Variants in CRACD observed in about 807,000 individuals in gnomAD.
CRACD encodes the protein capping protein-inhibiting regulator of actin dynamics.
In CRACD, 56 loss-of-function variants were observed where a neutral mutation model predicts 106.8. The ratio of observed to expected loss-of-function variants is 0.52; its 90% CI spans 0.42 to 0.66. The LOEUF is 0.66. CRACD is among the 30% of genes least tolerant of loss of function. The pLI is 0.00. For missense variants in CRACD, 1,730 were observed against 1,623.2 expected, an observed-to-expected ratio of 1.07 and a Z score of -1.13; for synonymous variants, 754 against 670.8, an observed-to-expected ratio of 1.12 and a Z score of -1.92.
chr4:56,284,292 TAAAAA>T lies in CRACD; in HGVS notation c.-17+11822_-17+11826del, dbSNP rs59270238. On this transcript the variant is annotated intron_variant, in intron 3 of 10. Transcript: ENST00000682029. The stretch of plus-strand genomic sequence containing the variant: ...AACATAGTAAGAACCCATCCTAAAG[TAAAAA>T]AAAAAAAAAAAAAAAAAAAAATTGC... Among the ~76,000 whole-genome samples the T allele has an allele frequency of 6.4e-4, 29 of 45,474 alleles. No individual in the cohort carries two copies. The East Asian group carries it at 8.4e-3, about 13-fold the overall frequency. The allele number at this position is 45,474 out of a possible 152,430, so 29.8% of individuals were successfully genotyped here. A position where few individuals can be genotyped will look rare whatever the true frequency, so the allele number is the denominator to read the frequency against.
intron 1 of CRACD, among the ~76,000 whole-genome samples, chr4:56,064,270 A>G (rs1205098305): frequency 1.3e-5 from 2 of 151,562 alleles, no homozygotes; most frequent in Non-Finnish European, 1.5e-5. Flanking sequence ...TGATTTGCAA[A>G]TTTCTTCCAT....
At chr4:56,212,315 C>G (rs1485962901) in intron 2 of CRACD, among the ~76,000 whole-genome samples, 1 of 152,180 alleles carries the variant, frequency 6.6e-6, no homozygotes, top group African/African-American at 2.4e-5. Flanking sequence ...ATTTCCCACC[C>G]CTTTCCTGGA....
In CRACD at chr4:56,314,358, G is replaced by T; in HGVS notation, c.856G>T (p.Ala286Ser). Reference sequence around the variant, plus strand: ...GGAGCCGCCTCTAGAGGCGGAAAGGGCGCCGCGGGAAGAGCAGCAGCGGAG... The same window carrying T: ...GGAGCCGCCTCTAGAGGCGGAAAGGTCGCCGCGGGAAGAGCAGCAGCGGAG... ...GQEPPLEAER[A>S]PREEQQRSLE... Residue 286 changes from alanine to serine, a missense_variant, in exon 8 of 11, where the codon GCG (alanine) becomes TCG (serine). By Grantham distance (99) the Ala-to-Ser change is moderately conservative. This residue lies in a region of CRACD where 1,620 missense variants were observed against 1,481.6 expected (regional missense o/e 1.09). Transcript: ENST00000682029. This position sits in a 1 kb window ranked among gnomAD's most constrained non-coding sequence, Gnocchi z 4.4. The T allele has an allele frequency of 1.9e-6, 3 of 1,548,790 alleles. No homozygotes were observed. Among genetic ancestry groups the T allele is most frequent in the African/African-American group, 1.4e-5 (1 of 72,856 alleles).
intron 2 of CRACD, among the ~76,000 whole-genome samples, chr4:56,212,667 G>C (rs1015971407): frequency 6.6e-6 from 1 of 152,052 alleles, no homozygotes; most frequent in Non-Finnish European, 1.5e-5. Context: ...AGATCCCCTT[G>C]ATCAACTTAG....
At position 56,315,018 on chromosome 4, in the gene CRACD, G is replaced by C; in HGVS notation, c.1516G>C (p.Glu506Gln). The C allele has an allele frequency of 6.3e-7, 1 of 1,592,648 alleles. No individual in the cohort carries two copies. The highest frequency in any genetic ancestry group is 8.5e-7 in the Non-Finnish European group (1 of 1,170,888). ...GGTGGAAGCCGCGCAGCCTCCGGTGGAGAGGAAAGAAGCCGCCGCCCTTGA... is the reference window on the plus strand; with the variant it reads ...GGTGGAAGCCGCGCAGCCTCCGGTGCAGAGGAAAGAAGCCGCCGCCCTTGA... Reference protein sequence around the residue: ...GPVEAAQPPVERKEAAALEQG... With the variant: ...GPVEAAQPPVQRKEAAALEQG... The change falls in exon 8 of 11, where the codon GAG (glutamate) becomes CAG (glutamine). Residue 506 changes from glutamate (E) to glutamine (Q), a missense_variant. Transcript: ENST00000682029. This position sits in a 1 kb window ranked among gnomAD's most constrained non-coding sequence, Gnocchi z 4.1.
intron 1 of CRACD, among the ~76,000 whole-genome samples, chr4:56,049,520 C>G (rs1297756823): frequency 1.3e-5 from 2 of 152,112 alleles, no homozygotes; most frequent in Non-Finnish European, 2.9e-5. Flanking sequence ...GCGCGGCTTG[C>G]GCGCTTTGGA....
At chr4:56,099,516 C>T (rs1281640204) in intron 1 of CRACD, among the ~76,000 whole-genome samples, 1 of 152,136 alleles carries the variant, frequency 6.6e-6, no homozygotes, top group Admixed American at 6.5e-5. Flanking sequence ...AGGCTTTTGG[C>T]ATACTGACTG....
At chr4:56,111,783 G>A (rs1315751938) in intron 1 of CRACD, among the ~76,000 whole-genome samples, 4 of 152,126 alleles carry the variant, frequency 2.6e-5, no homozygotes, top group Non-Finnish European at 5.9e-5. Context: ...CTTCCAAAGT[G>A]CTGGGATTAC....
chr4:56,093,891 A>G (rs1733507786), intron 1 of CRACD, among the ~76,000 whole-genome samples: 1 of 152,186 alleles, frequency 6.6e-6, no homozygotes, highest in South Asian at 2.1e-4. Flanking sequence ...TTTCCCTGTC[A>G]GTAATGTATG....
chr4:56,258,823 G>A (rs1741521639), intron 2 of CRACD, among the ~76,000 whole-genome samples: 1 of 152,198 alleles, frequency 6.6e-6, no homozygotes, highest in Non-Finnish European at 1.5e-5. Context: ...TGACAGAAAG[G>A]TCTTTGGGAA....
Position 56,091,283 on chromosome 4 carries a change from A to G in CRACD, c.-336+41984A>G, listed in dbSNP as rs187951959. Among the ~76,000 whole-genome samples the G allele has an allele frequency of 2.6e-3, 389 of 152,146 alleles. 2 individuals are homozygous for G. Among genetic ancestry groups the G allele is most frequent in the African/African-American group, 8.3e-3 (344 of 41,520 alleles). ...GGCTGGTCTCAATGTCCTGAGCTTA[A>G]GTGATCCTCCCATTTCAGACACCCA... On this transcript the variant is annotated intron_variant, in intron 1 of 10. Coordinates refer to ENST00000682029, the MANE Select transcript of CRACD (RefSeq NM_001393381.1).
chr4:56,302,383 G>A (rs1320879517), intron 4 of CRACD, among the ~76,000 whole-genome samples: 3 of 152,152 alleles, frequency 2.0e-5, no homozygotes, highest in Non-Finnish European at 4.4e-5. Context: ...CACAGTCTGA[G>A]GCTGCAGGTA....
chr4:56,086,342 A>G (rs143365045), intron 1 of CRACD, among the ~76,000 whole-genome samples: 2 of 152,138 alleles, frequency 1.3e-5, no homozygotes, highest in Admixed American at 1.3e-4. Flanking sequence ...TAGTGTTGCA[A>G]TCATGGCTCA....
intron 3 of CRACD, chr4:56,288,387 C>T (rs1473617421): frequency 1.3e-5 from 3 of 227,914 alleles, no homozygotes; most frequent in East Asian, 2.2e-4. Context: ...AGCTCTTGCC[C>T]CCCGCTCCCT....
intron 2 of CRACD, among the ~76,000 whole-genome samples, chr4:56,212,197 A>G (rs778390280): frequency 5.9e-5 from 9 of 152,208 alleles, no homozygotes; most frequent in Non-Finnish European, 1.0e-4. Context: ...ATACATTAGT[A>G]TGCCAAAAGA....
chr4:56,309,879 A>G (rs1234864613), intron 5 of CRACD, among the ~76,000 whole-genome samples: 2 of 151,878 alleles, frequency 1.3e-5, no homozygotes, highest in Non-Finnish European at 2.9e-5. Flanking sequence ...ATATAAAGTA[A>G]AAAGTTAGCC....
intron 8 of CRACD, 147 bp from the exon 9 acceptor site, chr4:56,323,230 A>C: frequency 1.7e-6 from 1 of 592,540 alleles, no homozygotes; most frequent in Non-Finnish European, 2.9e-6. Context: ...GGAGCCACTC[A>C]GGCATCAGCA....
chr4:56,183,069 C>T (rs1008682178), intron 2 of CRACD, among the ~76,000 whole-genome samples: 1 of 151,582 alleles, frequency 6.6e-6, no homozygotes, highest in Non-Finnish European at 1.5e-5. Flanking sequence ...CCCGTCTCTA[C>T]TAAAAATACA....
chr4:56,329,085 CTTT>C lies in CRACD; in HGVS notation c.*1284_*1286del, dbSNP rs1481036106. On this transcript the variant is annotated 3_prime_UTR_variant, in exon 11 of 11. Coordinates refer to ENST00000682029, the MANE Select transcript of CRACD (RefSeq NM_001393381.1). The stretch of plus-strand genomic sequence containing the variant: ...AAAAAACATCTGAGTTTTAAGTGGC[CTTT>C]TTATCATCATACACATGTGCATACA... Among the ~76,000 whole-genome samples, 1 of 152,094 alleles carries C rather than the reference CTTT, an allele frequency of 6.6e-6. No individual in the cohort carries two copies. The highest frequency in any genetic ancestry group is 2.4e-5 in the African/African-American group (1 of 41,398).
Sources: allele counts gnomAD v4.1 joint callset (sites outside exome capture counted in the v4.1 genomes callset), GRCh38; gene constraint gnomAD v4.1.1; regional missense constraint gnomAD v4.1.1; non-coding constraint Gnocchi (gnomAD v3.1); transcripts MANE v1.5; gene names NCBI Gene and HGNC (gene_info 2026-07-23, HGNC 2026-07-21).